STK11: variants seen among roughly 807,000 people sequenced by gnomAD.
STK11 encodes the protein serine/threonine-protein kinase STK11.
A neutral mutation model predicts 47.3 loss-of-function variants in STK11; 8 were observed. The observed-to-expected ratio is 0.17, with a 90% CI of 0.10 to 0.31. The LOEUF (loss-of-function observed/expected upper bound fraction) is 0.31, where lower values mean the gene tolerates loss of function less well. Ranked by LOEUF, STK11 falls within the 10% of genes least tolerant of loss-of-function variation. The pLI is 1.00. For missense variants in STK11, 475 were observed against 605.0 expected (o/e 0.79, Z 2.25); for synonymous variants, 330 against 255.8 (o/e 1.29, Z -2.77).
chr19:1,218,321 C>A, intron 1 of STK11, 96 bp from the exon 2 acceptor site: 1 of 997,856 alleles, frequency 1.0e-6, no homozygotes, highest in Non-Finnish European at 1.6e-6. Flanking sequence ...AGGAGGTACG[C>A]CACTTCCACA....
Position 1,206,139 on chromosome 19 carries a change from G to A in STK11, c.-775G>A, listed in dbSNP as rs868538577. On this transcript the variant is annotated 5_prime_UTR_variant, in exon 1 of 10. Coordinates refer to ENST00000326873, the MANE Select transcript of STK11 (RefSeq NM_000455.5). ...CGGGCAGACGTTTGCGGGGAGGGGGGCGCCTGCCGGGCCCCGGCGACCACC... is the reference window on the plus strand; with the variant it reads ...CGGGCAGACGTTTGCGGGGAGGGGGACGCCTGCCGGGCCCCGGCGACCACC... 3.7e-4 allele frequency: 55 copies of A among 148,348 alleles called. No individual in the cohort carries two copies. The highest frequency in any genetic ancestry group is 1.0e-3 in the South Asian group (5 of 4,834). 9.2% of individuals were successfully genotyped at this position (148,348 alleles called of 1,614,324 possible).
chr19:1,217,402 G>T (rs2145419110), intron 1 of STK11, among the ~76,000 whole-genome samples: 1 of 152,230 alleles, frequency 6.6e-6, no homozygotes, highest in Middle Eastern at 3.4e-3. Context: ...GTTTCGCCGT[G>T]TTGCTCAGGC....
rs1555738372 is a variant in STK11 at position 1,220,605 on chromosome 19, G to A, written c.622G>A (p.Asp208Asn). ...AEALHPFAAD[D>N]TCRTSQGSPA... is the part of the protein sequence containing the mutation. ...GGCACTGCACCCGTTCGCGGCGGACGACACCTGCCGGACCAGCCAGGGCTC... is the reference window on the plus strand; with the variant it reads ...GGCACTGCACCCGTTCGCGGCGGACAACACCTGCCGGACCAGCCAGGGCTC... The change falls in exon 5 of 10, where the codon GAC becomes AAC. Residue 208 changes from aspartate (D) to asparagine (N), a missense_variant. Physicochemically the swap from Asp to Asn is conservative, Grantham distance 23. This residue lies in a region of STK11 where 130 missense variants were observed against 239.7 expected (regional missense o/e 0.54). Coordinates refer to ENST00000326873, the MANE Select transcript of STK11 (RefSeq NM_000455.5). 1.3e-6 allele frequency: 2 copies of A among 1,595,228 alleles called. No individual in the cohort carries two copies. The highest frequency in any genetic ancestry group is 1.1e-5 in the South Asian group (1 of 89,200).
At chr19:1,222,807 C>T (rs2080794340) in intron 7 of STK11, among the ~76,000 whole-genome samples, 178 bp from the exon 8 acceptor site, 1 of 152,174 alleles carries the variant, frequency 6.6e-6, no homozygotes, top group South Asian at 2.1e-4. Context: ...GGAGTCAGGT[C>T]AGCCTGCCTG....
intron 1 of STK11, among the ~76,000 whole-genome samples, chr19:1,217,180 G>T (rs572160848): frequency 9.9e-5 from 15 of 152,150 alleles, no homozygotes; most frequent in Non-Finnish European, 1.6e-4. Flanking sequence ...CCCACTGGGT[G>T]TGAGGACCTT....
intron 5 of STK11, 81 bp from the exon 6 acceptor site, chr19:1,221,132 G>A (rs2145426390): frequency 1.3e-6 from 2 of 1,581,832 alleles, no homozygotes; most frequent in Non-Finnish European, 8.6e-7. Flanking sequence ...GGACGCCTCT[G>A]TCCCTGGGGT....
At chr19:1,218,138 G>A (rs2080756322) in intron 1 of STK11, among the ~76,000 whole-genome samples, 1 of 151,588 alleles carries the variant, frequency 6.6e-6, no homozygotes, top group Admixed American at 6.6e-5. Flanking sequence ...GCAAGACTCT[G>A]TCTCAGAAAA....
chr19:1,218,581 C>T (rs571206272), intron 2 of STK11, 81 bp downstream of exon 2: 37 of 1,185,078 alleles, frequency 3.1e-5, no homozygotes, highest in Middle Eastern at 4.5e-4. Flanking sequence ...AGGCCTGCTC[C>T]TCTTCCCGTC....
At chr19:1,218,346 C>G (rs1297941453) in intron 1 of STK11, 71 bp from the exon 2 acceptor site, 24 of 1,296,336 alleles carry the variant, frequency 1.9e-5, no homozygotes, top group Non-Finnish European at 2.6e-5. Context: ...GATGGGGAGG[C>G]CGACTCCAGG....
At chr19:1,226,725 C>T (rs1265098857) in intron 9 of STK11, 62 bp downstream of exon 9, 19 of 1,434,308 alleles carry the variant, frequency 1.3e-5, no homozygotes, top group South Asian at 5.9e-5. Context: ...CACAGCCAGC[C>T]GTGAGCATAG....
chr19:1,219,026 G>C (rs914497687), intron 2 of STK11, among the ~76,000 whole-genome samples: 1 of 152,072 alleles, frequency 6.6e-6, no homozygotes, highest in African/African-American at 2.4e-5. Context: ...GAGCCTGCTT[G>C]GGGGGGCGTC....
chr19:1,224,271 C>G, intron 8 of STK11: 2 of 985,310 alleles, frequency 2.0e-6, no homozygotes, highest in Middle Eastern at 5.2e-4. Context: ...GTGTGTGGGG[C>G]CCCCAGGATC....
rs1354398902 is a variant in STK11 at position 1,206,670 on chromosome 19, CG to C, written c.-242del. On this transcript the variant is annotated 5_prime_UTR_variant, in exon 1 of 10. Transcript: ENST00000326873. ...GGAACTCGCGTCTGAGCCGCCGTCC[CG>C]GACCCCCGGTGCCCGCCGGTCCGCA... The C allele has an allele frequency of 5.4e-6, 3 of 556,096 alleles. No homozygotes were observed. The highest frequency in any genetic ancestry group is 9.3e-6 in the Non-Finnish European group (3 of 322,452). The allele number at this position is 556,096 out of a possible 1,614,324, so 34.4% of individuals were successfully genotyped here. A position where few individuals can be genotyped will look rare whatever the true frequency, so the allele number is the denominator to read the frequency against.
At chr19:1,222,318 C>T (rs1195715505) in intron 7 of STK11, among the ~76,000 whole-genome samples, 1 of 152,224 alleles carries the variant, frequency 6.6e-6, no homozygotes, top group Non-Finnish European at 1.5e-5. Flanking sequence ...CTCTTTTTCC[C>T]CTCCTCCTGG....
chr19:1,217,024 G>A (rs191780125), intron 1 of STK11, among the ~76,000 whole-genome samples: 3 of 151,816 alleles, frequency 2.0e-5, no homozygotes. Flanking sequence ...TCCACATCTC[G>A]GCTGCTGTGC....
chr19:1,217,636 TTCTG>T (rs966655287), intron 1 of STK11, among the ~76,000 whole-genome samples: 2 of 152,114 alleles, frequency 1.3e-5, no homozygotes, highest in African/African-American at 4.8e-5. Context: ...CAATGTCTCT[TTCTG>T]TGGCGTCTCC....
intron 1 of STK11, among the ~76,000 whole-genome samples, chr19:1,209,582 A>C (rs2080694879): frequency 7.2e-6 from 1 of 138,448 alleles, no homozygotes; most frequent in Non-Finnish European, 1.6e-5. Context: ...ACTCTGTCTC[A>C]AAAATAAATA....
intron 1 of STK11, among the ~76,000 whole-genome samples, chr19:1,211,738 T>G (rs1445532515): frequency 6.6e-6 from 1 of 152,250 alleles, no homozygotes; most frequent in East Asian, 1.9e-4. Flanking sequence ...ATCCGGGCTG[T>G]GGCTCTCCCA....
intron 8 of STK11, chr19:1,226,077 G>A: frequency 9.4e-7 from 1 of 1,063,212 alleles, no homozygotes; most frequent in Non-Finnish European, 1.1e-6. Flanking sequence ...CGGCTCCTGG[G>A]CCTCTAGAAC....
Sources: allele counts gnomAD v4.1 joint callset (sites outside exome capture counted in the v4.1 genomes callset), GRCh38; gene constraint gnomAD v4.1.1; regional missense constraint gnomAD v4.1.1; transcripts MANE v1.5; gene names NCBI Gene and HGNC (gene_info 2026-07-23, HGNC 2026-07-21).